The following FAM222B variants were observed in gnomAD, a reference collection of about 807,000 sequenced individuals.
The protein encoded by FAM222B is family with sequence similarity 222 member B, also known as protein FAM222B.
In FAM222B, 12 loss-of-function variants were observed where a neutral mutation model predicts 38.0. That is an observed-to-expected ratio of 0.32 (90% CI 0.20 to 0.51). FAM222B has a LOEUF of 0.51. Among genes scored for constraint, FAM222B ranks in the 20% least tolerant of loss-of-function variants. The pLI is 0.97. For synonymous variants in FAM222B, 329 were observed against 317.2 expected, an observed-to-expected ratio of 1.04 and a Z score of -0.40; for missense variants, 716 against 754.2, an observed-to-expected ratio of 0.95 and a Z score of 0.59.
At chr17:28,811,327 C>G (rs2037751975) in intron 1 of FAM222B, among the ~76,000 whole-genome samples, 1 of 152,112 alleles carries the variant, frequency 6.6e-6, no homozygotes, top group South Asian at 2.1e-4. Context: ...GTAATCCCAG[C>G]TACTCAGGAG....
intron 1 of FAM222B, among the ~76,000 whole-genome samples, chr17:28,853,557 C>G (rs1055062332): frequency 2.0e-5 from 3 of 152,072 alleles, no homozygotes; most frequent in Non-Finnish European, 4.4e-5. Flanking sequence ...CTTATAATAT[C>G]TAATACAATG....
intron 1 of FAM222B, among the ~76,000 whole-genome samples, chr17:28,822,059 C>T (rs1256174449): frequency 6.6e-6 from 1 of 151,722 alleles, no homozygotes; most frequent in Non-Finnish European, 1.5e-5. Context: ...TGCAGTGGCT[C>T]ACGCCTATAA....
intron 1 of FAM222B, among the ~76,000 whole-genome samples, chr17:28,782,661 A>G (rs1229086232): frequency 6.6e-6 from 1 of 152,230 alleles, no homozygotes. Flanking sequence ...AAAATTATGA[A>G]GTCACTTGTA....
intron 1 of FAM222B, among the ~76,000 whole-genome samples, chr17:28,772,299 T>C (rs1049675150): frequency 1.3e-5 from 2 of 152,182 alleles, no homozygotes; most frequent in Admixed American, 1.3e-4. Context: ...AGCCAACGTT[T>C]GAATGATTAC....
At chr17:28,773,933 C>T (rs958652102) in intron 1 of FAM222B, among the ~76,000 whole-genome samples, 14 of 152,052 alleles carry the variant, frequency 9.2e-5, no homozygotes, top group African/African-American at 2.7e-4. Flanking sequence ...AGAAAAGGTA[C>T]GGAATGAGCT....
At chr17:28,768,836 CAAAA>C (rs71359249) in intron 1 of FAM222B, among the ~76,000 whole-genome samples, 4 of 70,878 alleles carry the variant, frequency 5.6e-5, no homozygotes, top group East Asian at 4.4e-4. Flanking sequence ...AACTCTGTCT[CAAAA>C]AAAAAAAAAA....
chr17:28,775,899 C>CAA (rs2035868645), intron 1 of FAM222B, among the ~76,000 whole-genome samples: 2 of 143,968 alleles, frequency 1.4e-5, no homozygotes, highest in Middle Eastern at 3.7e-3. Context: ...AAAACAAAAA[C>CAA]AAAAACAAAA....
At chr17:28,768,248 C>T (rs927208231) in intron 1 of FAM222B, among the ~76,000 whole-genome samples, 11 of 152,098 alleles carry the variant, frequency 7.2e-5, no homozygotes, top group Admixed American at 2.0e-4. Context: ...AAGTTAAAGA[C>T]GACAAAAATC....
chr17:28,796,774 G>T (rs1431703353), intron 1 of FAM222B, among the ~76,000 whole-genome samples: 9 of 151,906 alleles, frequency 5.9e-5, no homozygotes, highest in Admixed American at 5.9e-4. Flanking sequence ...GAATAATTGT[G>T]AGGATTAAAT....
chr17:28,775,933 G>A (rs543952079), intron 1 of FAM222B, among the ~76,000 whole-genome samples: 4 of 151,476 alleles, frequency 2.6e-5, no homozygotes, highest in South Asian at 2.1e-4. Context: ...AAAAAGAGCC[G>A]GGCATGGTGG....
chr17:28,846,010 T>A (rs1235341054), upstream of FAM222B, among the ~76,000 whole-genome samples: 2 of 150,758 alleles, frequency 1.3e-5, no homozygotes, highest in African/African-American at 2.4e-5. Flanking sequence ...GAGACCATCC[T>A]GGCTAACACG....
intron 2 of FAM222B, among the ~76,000 whole-genome samples, chr17:28,760,092 T>G (rs547863108): frequency 6.6e-6 from 1 of 152,364 alleles, no homozygotes; most frequent in East Asian, 1.9e-4. Context: ...CCAGGCCTTC[T>G]GCCAGATGAC....
chr17:28,770,169 C>G (rs2035555029), intron 1 of FAM222B, among the ~76,000 whole-genome samples: 2 of 152,122 alleles, frequency 1.3e-5, no homozygotes, highest in Admixed American at 1.3e-4. Context: ...GATATAAACT[C>G]AGTAAGAACA....
At chr17:28,828,548 TAC>T (rs1490996924) in intron 1 of FAM222B, among the ~76,000 whole-genome samples, 1 of 147,960 alleles carries the variant, frequency 6.8e-6, no homozygotes, top group African/African-American at 2.5e-5. Context: ...CAGCCTGAGC[TAC>T]AGAGAAGACT....
At chr17:28,829,508 A>T (rs1432896435) in intron 1 of FAM222B, among the ~76,000 whole-genome samples, 1 of 152,080 alleles carries the variant, frequency 6.6e-6, no homozygotes, top group East Asian at 1.9e-4. Flanking sequence ...GCAATCACTG[A>T]TCTGTTCCCC....
chr17:28,758,121 C>T lies in FAM222B; in HGVS notation c.*149G>A. The T allele has an allele frequency of 6.9e-6, 5 of 719,620 alleles. 1 individual carries two copies. In the South Asian group the frequency reaches 1.2e-4, roughly 17 times the overall value. 44.6% of individuals were successfully genotyped at this position (719,620 alleles called of 1,614,324 possible). ...GGAGGACGAGAGGACCCCTTCTGTCCCCACTTAGATCCCACCAAATTCCCT... is the reference window on the plus strand; with the variant it reads ...GGAGGACGAGAGGACCCCTTCTGTCTCCACTTAGATCCCACCAAATTCCCT... On this transcript the variant is annotated 3_prime_UTR_variant, in exon 3 of 3. Coordinates refer to ENST00000581407, the MANE Select transcript of FAM222B (RefSeq NM_001077498.3).
chr17:28,770,970 A>G (rs964815826), intron 1 of FAM222B, among the ~76,000 whole-genome samples: 2 of 150,696 alleles, frequency 1.3e-5, no homozygotes, highest in Non-Finnish European at 3.0e-5. Flanking sequence ...GTGTATAAAT[A>G]TGTGTGTGTA....
intron 1 of FAM222B, among the ~76,000 whole-genome samples, chr17:28,799,297 C>CTTTT (rs35660613): frequency 1.8e-5 from 2 of 110,932 alleles, no homozygotes; most frequent in African/African-American, 6.8e-5. Flanking sequence ...CACAGAAAAA[C>CTTTT]TTTTTTTTTT....
intron 1 of FAM222B, among the ~76,000 whole-genome samples, chr17:28,778,697 G>GTATATATATA (rs1204895077): frequency 1.1e-4 from 5 of 45,344 alleles, no homozygotes; most frequent in East Asian, 6.4e-4. Context: ...GTGTGTGTGT[G>GTATATATATA]TATATATATA....
Sources: gnomAD v4.1 joint callset for allele counts (sites outside exome capture counted in the v4.1 genomes callset) on GRCh38, gnomAD v4.1.1 for gene constraint, MANE v1.5 for transcripts, NCBI Gene and HGNC (gene_info 2026-07-23, HGNC 2026-07-21) for gene names.